The following CD58 variants were observed in gnomAD, a reference collection of about 807,000 sequenced individuals.
CD58 encodes the protein CD58 molecule.
A neutral mutation model predicts 27.6 loss-of-function variants in CD58; 14 were observed. The ratio of observed to expected loss-of-function variants is 0.51; its 90% CI spans 0.34 to 0.79. CD58 has a LOEUF of 0.79. Ranked by LOEUF, CD58 falls within the 30% of genes least tolerant of loss-of-function variation. CD58 has a pLI of 0.02. For synonymous variants in CD58, 117 were observed against 103.8 expected, an observed-to-expected ratio of 1.13 and a Z score of -0.77; for missense variants, 268 against 301.7, an observed-to-expected ratio of 0.89 and a Z score of 0.83.
intron 3 of CD58, among the ~76,000 whole-genome samples, chr1:116,535,372 C>G (rs1393446815): frequency 1.3e-5 from 2 of 152,212 alleles, no homozygotes; most frequent in Admixed American, 6.5e-5. Context: ...AACTTAAACT[C>G]TCTCTCTGTT....
rs926912672 is a variant in CD58 at position 116,546,855 on chromosome 1, C to T, written c.71-2251G>A. ...GTCCACTTACATGTGGATTTTCTTC[C>T]GCCTCTGCCATCCCTGAGATAGCAA... is the stretch of plus-strand genomic sequence containing the variant. On this transcript the variant is annotated intron_variant, in intron 1 of 5. Transcript: ENST00000369489. This position sits in a 1 kb window ranked among gnomAD's most constrained non-coding sequence, Gnocchi z 4.1. 2.6e-5 allele frequency among the ~76,000 whole-genome samples: 4 copies of T among 152,078 alleles called. No individual in the cohort carries two copies. The highest frequency in any genetic ancestry group is 1.9e-4 in the East Asian group (1 of 5,186).
At chr1:116,553,950 G>C (rs1658474081) in intron 1 of CD58, among the ~76,000 whole-genome samples, 1 of 152,174 alleles carries the variant, frequency 6.6e-6, no homozygotes, top group Non-Finnish European at 1.5e-5. Context: ...AACATGTGGA[G>C]ACTTGACTGA....
At chr1:116,566,183 A>G (rs569418605) in intron 1 of CD58, among the ~76,000 whole-genome samples, 15 of 152,240 alleles carry the variant, frequency 9.9e-5, no homozygotes, top group Non-Finnish European at 1.6e-4. Context: ...ACTGTAAAGA[A>G]ATCTTTAACT....
rs1657722349 is a variant in CD58, at chr1:116,534,440, C to T, written c.628+1525G>A. 1.3e-5 allele frequency among the ~76,000 whole-genome samples: 2 copies of T among 152,342 alleles called. No homozygotes were observed. The highest frequency in any genetic ancestry group is 1.9e-4 in the East Asian group (1 of 5,188). On this transcript the variant is annotated intron_variant, in intron 3 of 5. Coordinates refer to ENST00000369489, the MANE Select transcript of CD58 (RefSeq NM_001779.3). This position sits in a 1 kb window ranked among gnomAD's most constrained non-coding sequence, Gnocchi z 5.3. ...CTCCTCCGGGTGCGCCGCGGCCCTC[C>T]GGGTACGCGGGGCTGGCTGGGCTAG...
Position 116,528,454 on chromosome 1 carries a change from A to C in CD58, c.629-6471T>G, listed in dbSNP as rs1209387046. ...TCCACACAGCTATGAAAGAAAGATC[A>C]TCTAGTTGAACTCAGAACAATGTTT... On this transcript the variant is annotated intron_variant, in intron 3 of 5. Coordinates refer to ENST00000369489, the MANE Select transcript of CD58 (RefSeq NM_001779.3). This position sits in a 1 kb window ranked among gnomAD's most constrained non-coding sequence, Gnocchi z 4.4. Among the ~76,000 whole-genome samples, 1 of 152,218 alleles carries C rather than the reference A, an allele frequency of 6.6e-6. No individual in the cohort carries two copies.
Position 116,570,905 on chromosome 1 carries a change from A to G in CD58, c.68T>C (p.Phe23Ser). ...VLSVVCLLHCFGFISCFSQQI... is the reference protein window; with the variant it reads ...VLSVVCLLHCSGFISCFSQQI... Reference sequence around the variant, plus strand: ...CCCCTGGGGCAGGCTTCACTCACCAAAGCAGTGCAGCAGGCAGACCACGCT... The same window carrying G: ...CCCCTGGGGCAGGCTTCACTCACCAGAGCAGTGCAGCAGGCAGACCACGCT... The change falls in exon 1 of 6, where the codon TTT becomes TCT. Residue 23 changes from phenylalanine (F) to serine (S), a missense_variant and splice_region_variant. Physicochemically the swap from Phe to Ser is radical, Grantham distance 155. Transcript: ENST00000369489. The surrounding 1 kb of genome is among the most constrained non-coding windows in gnomAD (Gnocchi z 6.4). 1 of 1,561,298 alleles carries G rather than the reference A, an allele frequency of 6.4e-7. No individual in the cohort carries two copies. Among genetic ancestry groups the G allele is most frequent in the Non-Finnish European group, 8.6e-7 (1 of 1,158,396 alleles).
intron 1 of CD58, among the ~76,000 whole-genome samples, chr1:116,566,238 G>A (rs1017225507): frequency 6.6e-5 from 10 of 152,198 alleles, no homozygotes; most frequent in African/African-American, 2.4e-4. Flanking sequence ...TATAGCAACT[G>A]TAAAATGATT....
In CD58 at chr1:116,519,276, G is replaced by A; in HGVS notation, c.707-9C>T. On this transcript the variant is annotated splice_polypyrimidine_tract_variant and intron_variant, in intron 4 of 5. Coordinates refer to ENST00000369489, the MANE Select transcript of CD58 (RefSeq NM_001779.3). The surrounding 1 kb of genome is among the most constrained non-coding windows in gnomAD (Gnocchi z 4.7). ...GTCACATTTCAGAATACCTAAAAATGAAGAAATTGTCTTCTCAATTAAAGA... is the reference window on the plus strand; with the variant it reads ...GTCACATTTCAGAATACCTAAAAATAAAGAAATTGTCTTCTCAATTAAAGA... The A allele has an allele frequency of 8.7e-6, 14 of 1,609,396 alleles. No homozygotes were observed. The highest frequency in any genetic ancestry group is 1.2e-5 in the Non-Finnish European group (14 of 1,177,102).
At chr1:116,540,235 TG>T (rs1657948223) in intron 2 of CD58, among the ~76,000 whole-genome samples, 2 of 152,112 alleles carry the variant, frequency 1.3e-5, no homozygotes, top group Admixed American at 1.3e-4. Flanking sequence ...GAAATCCCCC[TG>T]TCCAAAATAT....
rs199934731 is a variant in CD58 at position 116,544,465 on chromosome 1, T to A, written c.210A>T (p.Glu70Asp). 5 of 1,614,056 alleles carry A rather than the reference T, an allele frequency of 3.1e-6. No homozygotes were observed. Among genetic ancestry groups the A allele is most frequent in the Non-Finnish European group, 4.2e-6 (5 of 1,180,020 alleles). The change falls in exon 2 of 6, where the codon GAA (glutamate) becomes GAT (aspartate). Residue 70 changes from glutamate (E) to aspartate (D), a missense_variant. Glu to Asp is a conservative substitution (Grantham distance 45). Transcript: ENST00000369489. ...KDKVAELENSEFRAFSSFKNR... is the reference protein window; with the variant it reads ...KDKVAELENSDFRAFSSFKNR... ...TTTTAAAAGATGAGAAAGCTCTGAA[T>A]TCAGAATTTTCCAGTTCTGCAACTT...
In CD58 at chr1:116,570,989, C is replaced by G; in HGVS notation, c.-17G>C. 2 of 1,538,074 alleles carry G rather than the reference C, an allele frequency of 1.3e-6. No individual in the cohort carries two copies. Among genetic ancestry groups the G allele is most frequent in the Non-Finnish European group, 1.7e-6 (2 of 1,149,034 alleles). ...AGCAACCATGGCTCGTCGGGCCGGC[C>G]TCTGCGCGAGTGCCCAGCCACAAGC... is the stretch of plus-strand genomic sequence containing the variant. On this transcript the variant is annotated 5_prime_UTR_variant, in exon 1 of 6. Coordinates refer to ENST00000369489, the MANE Select transcript of CD58 (RefSeq NM_001779.3). This position sits in a 1 kb window ranked among gnomAD's most constrained non-coding sequence, Gnocchi z 6.4.
rs556133176 is a variant in CD58 at position 116,559,203 on chromosome 1, C to T, written c.70+11700G>A. ...AGCAGAGTCCAGAAAAGCAGGGGAG[C>T]GAGCCTAAGAACATCTGGGGTGAGA... On this transcript the variant is annotated intron_variant, in intron 1 of 5. Transcript: ENST00000369489. The surrounding 1 kb of genome is among the most constrained non-coding windows in gnomAD (Gnocchi z 4.4). Among the ~76,000 whole-genome samples the T allele has an allele frequency of 2.1e-3, 323 of 152,114 alleles. No homozygotes were observed. Among genetic ancestry groups the T allele is most frequent in the African/African-American group, 7.3e-3 (304 of 41,490 alleles).
chr1:116,539,743 C>T (rs1244371324), intron 2 of CD58, among the ~76,000 whole-genome samples: 2 of 152,162 alleles, frequency 1.3e-5, no homozygotes, highest in Non-Finnish European at 2.9e-5. Flanking sequence ...ACAGTTTCTA[C>T]ACCTCAGATC....
Position 116,519,054 on chromosome 1 carries a change from G to T in CD58, c.743+177C>A. 1.5e-6 allele frequency: 2 copies of T among 1,355,920 alleles called. No individual in the cohort carries two copies. The highest frequency in any genetic ancestry group is 2.0e-6 in the Non-Finnish European group (2 of 1,019,446). The allele number at this position is 1,355,920 out of a possible 1,614,324, so 84.0% of individuals were successfully genotyped here. On this transcript the variant is annotated intron_variant, in intron 5 of 5. Transcript: ENST00000369489. This position sits in a 1 kb window ranked among gnomAD's most constrained non-coding sequence, Gnocchi z 4.7. ...CGATATGCAGAGAGTGGCTAGTGCA[G>T]TGCATGGCACACAGTTGGTACTTAA...
At chr1:116,568,055 C>CAAAAA (rs34531651) in intron 1 of CD58, among the ~76,000 whole-genome samples, 10 of 81,660 alleles carry the variant, frequency 1.2e-4, no homozygotes, top group Admixed American at 2.7e-4. Context: ...CTTAAAGTAC[C>CAAAAA]AAAAAAAAAA....
Position 116,514,582 on chromosome 1 carries a change from A to T in CD58, c.*231T>A, listed in dbSNP as rs1657017281. 2.1e-6 allele frequency: 1 copy of T among 473,782 alleles called. No homozygotes were observed. Among genetic ancestry groups the T allele is most frequent in the Non-Finnish European group, 3.8e-6 (1 of 262,730 alleles). The allele number at this position is 473,782 out of a possible 1,614,324, so 29.3% of individuals were successfully genotyped here. ...TATTTACAAAAGTATCTACATCATC[A>T]GTAAAAACAATTTACTGACAAAAAA... On this transcript the variant is annotated 3_prime_UTR_variant, in exon 6 of 6. Transcript: ENST00000369489.
intron 2 of CD58, among the ~76,000 whole-genome samples, chr1:116,537,526 T>G (rs1657851114): frequency 6.6e-6 from 1 of 152,180 alleles, no homozygotes; most frequent in African/African-American, 2.4e-5. Flanking sequence ...GCTGGACCTG[T>G]TAATAGGCAG....
intron 5 of CD58, chr1:116,518,640 C>T: frequency 2.0e-6 from 2 of 985,810 alleles, no homozygotes; most frequent in Non-Finnish European, 2.4e-6. Flanking sequence ...ACACCCAGCT[C>T]ATGCCTCTGC....
Position 116,534,401 on chromosome 1 carries a change from G to C in CD58, c.628+1564C>G, listed in dbSNP as rs1054496003. 1.3e-5 allele frequency among the ~76,000 whole-genome samples: 2 copies of C among 152,226 alleles called. No homozygotes were observed. Among genetic ancestry groups the C allele is most frequent in the Non-Finnish European group, 2.9e-5 (2 of 68,030 alleles). ...TCCTGGACGTCTCCACCTTAAAAAC[G>C]GGAAGCCTGAATGCTCCTCCGGGTG... On this transcript the variant is annotated intron_variant, in intron 3 of 5. Transcript: ENST00000369489. This position sits in a 1 kb window ranked among gnomAD's most constrained non-coding sequence, Gnocchi z 5.3.
Sources: gnomAD v4.1 joint callset for allele counts (sites outside exome capture counted in the v4.1 genomes callset) on GRCh38, gnomAD v4.1.1 for gene constraint, Gnocchi (gnomAD v3.1) non-coding constraint, MANE v1.5 for transcripts, NCBI Gene and HGNC (gene_info 2026-07-23, HGNC 2026-07-21) for gene names.